Variants in PIK3C2G observed in about 807,000 individuals in gnomAD.
PIK3C2G encodes the protein phosphatidylinositol 3-kinase C2 domain-containing subunit gamma.
Under a neutral mutation model 181.1 loss-of-function variants are expected in PIK3C2G, and 168 were observed. That is an observed-to-expected ratio of 0.93 (90% CI 0.82 to 1.05). PIK3C2G has a LOEUF of 1.05. PIK3C2G is among the 50% of genes least tolerant of loss of function. The probability of loss-of-function intolerance (pLI) is 0.00; values close to 1 mark genes in which losing one functional copy is unlikely to be tolerated. For synonymous variants in PIK3C2G, 573 were observed against 592.2 expected (o/e 0.97, Z 0.47); for missense variants, 1,869 against 1,732.8 (o/e 1.08, Z -1.40).
At chr12:18,473,974 T>C (rs1252885332) in intron 18 of PIK3C2G, among the ~76,000 whole-genome samples, 1 of 152,176 alleles carries the variant, frequency 6.6e-6, no homozygotes, top group Non-Finnish European at 1.5e-5. Flanking sequence ...TTTCATTGGG[T>C]CATATTTGGC....
intron 11 of PIK3C2G, among the ~76,000 whole-genome samples, chr12:18,351,886 C>T (rs1940249382): frequency 6.6e-6 from 1 of 152,180 alleles, no homozygotes; most frequent in Admixed American, 6.5e-5. Flanking sequence ...CAGTAACATA[C>T]TGTACAGGTT....
chr12:18,345,245 T>C (rs887610222), intron 10 of PIK3C2G, among the ~76,000 whole-genome samples: 5 of 152,144 alleles, frequency 3.3e-5, no homozygotes, highest in Non-Finnish European at 7.4e-5. Context: ...CCAAGTTTGA[T>C]GAGGCCTCTT....
At chr12:18,286,434 T>C (rs1390178284) in intron 2 of PIK3C2G, among the ~76,000 whole-genome samples, 1 of 152,068 alleles carries the variant, frequency 6.6e-6, no homozygotes, top group Non-Finnish European at 1.5e-5. Context: ...GATAAACCTT[T>C]GATATGTGTG....
chr12:18,338,574 T>C (rs756975860), intron 9 of PIK3C2G, 26 bp downstream of exon 9: 15 of 1,516,872 alleles, frequency 9.9e-6, no homozygotes, highest in Middle Eastern at 1.7e-4. Flanking sequence ...TATTACACAG[T>C]AGTTTTAAAC....
intron 4 of PIK3C2G, among the ~76,000 whole-genome samples, chr12:18,291,973 G>A (rs1300419223): frequency 1.3e-5 from 2 of 150,884 alleles, no homozygotes; most frequent in Non-Finnish European, 1.5e-5. Flanking sequence ...CTTTGGAAGG[G>A]CGAGGCAGGC....
At chr12:18,336,510 G>C (rs375112029) in intron 8 of PIK3C2G, among the ~76,000 whole-genome samples, 8 of 152,024 alleles carry the variant, frequency 5.3e-5, no homozygotes, top group African/African-American at 1.7e-4. Flanking sequence ...TTGAAAATGT[G>C]GTGGAACTAA....
intron 2 of PIK3C2G, among the ~76,000 whole-genome samples, chr12:18,285,596 T>G (rs1468281330): frequency 6.6e-6 from 1 of 152,058 alleles, no homozygotes; most frequent in African/African-American, 2.4e-5. Flanking sequence ...TTTGCTATTG[T>G]AAATTCTTAC....
intron 5 of PIK3C2G, among the ~76,000 whole-genome samples, chr12:18,299,653 A>T (rs749930444): frequency 3.9e-5 from 6 of 151,930 alleles, no homozygotes; most frequent in Non-Finnish European, 7.4e-5. Flanking sequence ...GCTTTTCTTC[A>T]TTCCGTTTGA....
At chr12:18,661,346 AT>A in the PIK3C2G span, among the ~76,000 whole-genome samples, 1 of 147,828 alleles carries the variant, frequency 6.8e-6, no homozygotes, top group Non-Finnish European at 1.5e-5. Flanking sequence ...GTACCAAGAC[AT>A]TATAATCCTA....
Position 18,505,377 on chromosome 12 carries a change from T to C in PIK3C2G, c.3239T>C (p.Ile1080Thr). The C allele has an allele frequency of 6.2e-7, 1 of 1,613,420 alleles. No homozygotes were observed. Among genetic ancestry groups the C allele is most frequent in the Non-Finnish European group, 8.5e-7 (1 of 1,179,592 alleles). The change falls in exon 24 of 33, where the codon ATC becomes ACC. Residue 1080 changes from isoleucine (I) to threonine (T), a missense_variant. Physicochemically the swap from Ile to Thr is moderately conservative, Grantham distance 89. Coordinates refer to ENST00000538779, the MANE Select transcript of PIK3C2G (RefSeq NM_001288772.2). Reference protein sequence around the residue: ...LGVCDRHNDNIMLTKSGHMFH... With the variant: ...LGVCDRHNDNTMLTKSGHMFH... ...GTATGTGACCGTCACAATGATAATA[T>C]CATGCTGACAAAGTCGGGCCACATG...
At chr12:18,312,193 C>T (rs1167100825) in intron 5 of PIK3C2G, among the ~76,000 whole-genome samples, 1 of 152,156 alleles carries the variant, frequency 6.6e-6, no homozygotes, top group Non-Finnish European at 1.5e-5. Context: ...TGCTTTGCAT[C>T]CTCCGATCCA....
chr12:18,473,938 T>C (rs763014875), intron 18 of PIK3C2G, among the ~76,000 whole-genome samples: 1 of 152,054 alleles, frequency 6.6e-6, no homozygotes, highest in Non-Finnish European at 1.5e-5. Flanking sequence ...ATTTAGCAGG[T>C]ATTTTGATGG....
chr12:18,659,486 A>G, the PIK3C2G span, among the ~76,000 whole-genome samples: 4 of 152,102 alleles, frequency 2.6e-5, no homozygotes, highest in Admixed American at 1.3e-4. Flanking sequence ...TCTCCAAAAT[A>G]CCATGATCAA....
At chr12:18,441,232 C>T (rs1022631227) in intron 18 of PIK3C2G, among the ~76,000 whole-genome samples, 1 of 151,790 alleles carries the variant, frequency 6.6e-6, no homozygotes, top group African/African-American at 2.4e-5. Context: ...TGGAGGTCAT[C>T]AAAAAAGCAC....
chr12:18,292,227 A>AAAAAATATATATATATATATAT, intron 4 of PIK3C2G, among the ~76,000 whole-genome samples: 1 of 48,734 alleles, frequency 2.1e-5, no homozygotes, highest in African/African-American at 1.1e-4. Flanking sequence ...AAAAAAAAAA[A>AAAAAATATATATATATATATAT]ATATATATAT....
At chr12:18,531,341 G>T (rs1038106173) in intron 24 of PIK3C2G, among the ~76,000 whole-genome samples, 1 of 152,058 alleles carries the variant, frequency 6.6e-6, no homozygotes, top group African/African-American at 2.4e-5. Flanking sequence ...AGATTCATAT[G>T]CAGTTGTAAT....
intron 29 of PIK3C2G, among the ~76,000 whole-genome samples, chr12:18,567,941 G>A (rs759327832): frequency 5.8e-4 from 88 of 152,098 alleles, no homozygotes; most frequent in Non-Finnish European, 1.1e-3. Flanking sequence ...GGCTGCTTGT[G>A]TTCCTTGGCT....
chr12:18,540,595 GAAGT>G (rs1944100768), intron 25 of PIK3C2G, among the ~76,000 whole-genome samples: 1 of 151,812 alleles, frequency 6.6e-6, no homozygotes, highest in South Asian at 2.1e-4. Context: ...TTATTTAAAA[GAAGT>G]AACTGTGGTA....
intron 24 of PIK3C2G, among the ~76,000 whole-genome samples, chr12:18,524,081 C>A (rs571152014): frequency 6.6e-6 from 1 of 152,268 alleles, no homozygotes; most frequent in East Asian, 1.9e-4. Flanking sequence ...TTCTTTTTTT[C>A]TAAATGAGCC....
Sources: gnomAD v4.1 joint callset for allele counts (sites outside exome capture counted in the v4.1 genomes callset) on GRCh38, gnomAD v4.1.1 for gene constraint, MANE v1.5 for transcripts, NCBI Gene and HGNC (gene_info 2026-07-23, HGNC 2026-07-21) for gene names.